KCNV1: variants seen among roughly 807,000 people sequenced by gnomAD.
KCNV1 encodes potassium voltage-gated channel subfamily V member 1.
KCNV1 carries 2 observed loss-of-function variants against 36.4 expected under a neutral mutation model. The ratio of observed to expected loss-of-function variants is 0.05; its 90% CI spans 0.02 to 0.17. The LOEUF is 0.17. Among genes scored for constraint, KCNV1 ranks in the 10% least tolerant of loss-of-function variants. KCNV1 has a pLI of 1.00. For missense variants in KCNV1, 321 were observed against 643.6 expected (o/e 0.50, Z 5.42); for synonymous variants, 280 against 261.1 (o/e 1.07, Z -0.70).
rs537666413 is a variant in KCNV1, at chr8:109,968,623, G to A, written c.992-24C>T. 5.8e-6 allele frequency: 9 copies of A among 1,554,416 alleles called. No individual in the cohort carries two copies. In the East Asian group the frequency reaches 1.8e-4, roughly 31 times the overall value. The stretch of plus-strand genomic sequence containing the variant: ...TCCTGCAACAGAACAAATGCTGTCA[G>A]TCATTGGCATCCCTCTTCTCTCTCT... On this transcript the variant is annotated intron_variant, in intron 3 of 3. Transcript: ENST00000524391. This position sits in a 1 kb window ranked among gnomAD's most constrained non-coding sequence, Gnocchi z 5.3.
In KCNV1 at chr8:109,974,304, C is replaced by G; in HGVS notation, c.85G>C (p.Glu29Gln). 1.3e-6 allele frequency: 2 copies of G among 1,545,240 alleles called. No homozygotes were observed. Among genetic ancestry groups the G allele is most frequent in the Non-Finnish European group, 1.7e-6 (2 of 1,149,326 alleles). Residue 29 changes from glutamate (E) to glutamine (Q), a missense_variant, in exon 2 of 4, where the codon GAG becomes CAG. This residue lies in a region of KCNV1 where 39 missense variants were observed against 50.8 expected (regional missense o/e 0.77). Transcript: ENST00000524391. This position sits in a 1 kb window ranked among gnomAD's most constrained non-coding sequence, Gnocchi z 6.2. ...AGCGCCAAGGGCTCCCCTTCACCCTCGCTGCAGAAGACACTAGAGTCCAGG... is the reference window on the plus strand; with the variant it reads ...AGCGCCAAGGGCTCCCCTTCACCCTGGCTGCAGAAGACACTAGAGTCCAGG... Reference protein sequence around the residue: ...TSLDSSVFCSEGEGEPLALGD... With the variant: ...TSLDSSVFCSQGEGEPLALGD...
At position 109,972,589 on chromosome 8, in the gene KCNV1, C is replaced by G. The variant is rs1487584926; in HGVS notation, c.660G>C (p.Val220=). ...RIFGVISIIF[V]VVSIINMALM... is the part of the protein sequence containing the mutation. ...GGGCCATGTTAATGATGGACACCAC[C>G]ACGAAGATAATGGAGATGACGCCAA... is the stretch of plus-strand genomic sequence containing the variant. The change falls in exon 3 of 4, where the codon GTG becomes GTC. Residue 220 remains valine (V), a synonymous_variant. Transcript: ENST00000524391. The surrounding 1 kb of genome is among the most constrained non-coding windows in gnomAD (Gnocchi z 5.2). 5 of 1,614,140 alleles carry G rather than the reference C, an allele frequency of 3.1e-6. No individual in the cohort carries two copies. Among genetic ancestry groups the G allele is most frequent in the Non-Finnish European group, 4.2e-6 (5 of 1,180,038 alleles).
rs28369292 is a variant in KCNV1 at position 109,972,033 on chromosome 8, C to T, written c.991+225G>A. 0.014 allele frequency among the ~76,000 whole-genome samples: 2,084 copies of T among 152,260 alleles called. 44 individuals are homozygous for T. Among genetic ancestry groups the T allele is most frequent in the African/African-American group, 0.046 (1,927 of 41,544 alleles). ...AGCAAATGGTCAAATTGTCTCTCAA[C>T]ATTTCTCTTATGGAGAGGAGGTATG... On this transcript the variant is annotated intron_variant, in intron 3 of 3. Transcript: ENST00000524391. The surrounding 1 kb of genome is among the most constrained non-coding windows in gnomAD (Gnocchi z 5.2).
At chr8:109,971,170 G>A (rs561791436) in intron 3 of KCNV1, among the ~76,000 whole-genome samples, 3 of 152,238 alleles carry the variant, frequency 2.0e-5, no homozygotes, top group Non-Finnish European at 4.4e-5. Flanking sequence ...ATATGTATTT[G>A]TATCAACATA....
Position 109,968,403 on chromosome 8 carries a change from C to T in KCNV1, c.1188G>A (p.Gly396=), listed in dbSNP as rs139725290. The T allele has an allele frequency of 3.9e-5, 63 of 1,613,996 alleles. 1 individual carries two copies. The Middle Eastern group carries it at 4.9e-4, about 13-fold the overall frequency. The change falls in exon 4 of 4, where the codon GGG becomes GGA. Residue 396 remains glycine (G), a synonymous_variant. Coordinates refer to ENST00000524391, the MANE Select transcript of KCNV1 (RefSeq NM_014379.4). The surrounding 1 kb of genome is among the most constrained non-coding windows in gnomAD (Gnocchi z 5.3). ...ATTSMTTVGY[G]DIRPDTTTGK... ...CTGTGGTGGTGTCTGGTCTAATGTC[C>T]CCATATCCCACAGTAGTCATAGAGG...
At position 109,970,346 on chromosome 8, in the gene KCNV1, CA is replaced by C. The variant is rs569963011; in HGVS notation, c.992-1748del. Among the ~76,000 whole-genome samples the C allele has an allele frequency of 3.9e-5, 6 of 152,216 alleles. No homozygotes were observed. In the East Asian group the frequency reaches 9.6e-4, roughly 24 times the overall value. On this transcript the variant is annotated intron_variant, in intron 3 of 3. Transcript: ENST00000524391. Reference sequence around the variant, plus strand: ...TGGGAACACTGTTTTAGTTTAAAGGCAAAATGTTCAAAACAATTTTGTAAAG... The same window carrying C: ...TGGGAACACTGTTTTAGTTTAAAGGCAAATGTTCAAAACAATTTTGTAAAG...
intron 1 of KCNV1, 106 bp downstream of exon 1, chr8:109,975,513 G>T (rs1278008199): frequency 6.6e-6 from 1 of 152,054 alleles, no homozygotes; most frequent in Non-Finnish European, 1.5e-5. Context: ...CAGCGCCCAG[G>T]TGAGACTAGA....
Position 109,968,458 on chromosome 8 carries a change from C to CT in KCNV1, c.1132dup (p.Ser378LysfsTer22). 1 of 1,614,032 alleles carries CT rather than the reference C, an allele frequency of 6.2e-7. No individual in the cohort carries two copies. The highest frequency in any genetic ancestry group is 8.5e-7 in the Non-Finnish European group (1 of 1,179,928). ...GGCCCACCACCATGCACAAGGGACA[C>CT]TTGTGAAGGTTGTGTCAGGAATGCT... On this transcript the variant is annotated frameshift_variant, in exon 4 of 4. Transcript: ENST00000524391. LOFTEE classifies it high-confidence loss of function. The surrounding 1 kb of genome is among the most constrained non-coding windows in gnomAD (Gnocchi z 5.3).
In KCNV1 at chr8:109,974,542, C is replaced by A. The variant is rs1353376103; in HGVS notation, c.-154G>T. Reference sequence around the variant, plus strand: ...CTCTCCTTGGCGCACCCTCTCCACCCGCTGTGCGCCTTCCTCCTCCTGCCG... The same window carrying A: ...CTCTCCTTGGCGCACCCTCTCCACCAGCTGTGCGCCTTCCTCCTCCTGCCG... On this transcript the variant is annotated 5_prime_UTR_variant, in exon 2 of 4. Transcript: ENST00000524391. The surrounding 1 kb of genome is among the most constrained non-coding windows in gnomAD (Gnocchi z 6.2). 1 of 608,316 alleles carries A rather than the reference C, an allele frequency of 1.6e-6. No individual in the cohort carries two copies. The highest frequency in any genetic ancestry group is 1.9e-5 in the African/African-American group (1 of 53,972). The allele number at this position is 608,316 out of a possible 1,614,324, so 37.7% of individuals were successfully genotyped here.
chr8:109,970,327 C>A (rs973201347), intron 3 of KCNV1, among the ~76,000 whole-genome samples: 6 of 152,136 alleles, frequency 3.9e-5, no homozygotes, highest in Non-Finnish European at 5.9e-5. Flanking sequence ...TGTCTGGGAA[C>A]ACTGTTTTAG....
chr8:109,973,984 C>T lies in KCNV1; in HGVS notation c.405G>A (p.Gln135=), dbSNP rs374743134. The stretch of plus-strand genomic sequence containing the variant: ...CATCGATGCCCCAGTACTGGATCTC[C>T]TGCAGGAAGGAGAGCGCGCACAGCT... The part of the protein sequence containing the change: ...MEQLCALSFL[Q]EIQYWGIDEL... Residue 135 remains glutamine, a synonymous_variant, in exon 2 of 4, where the codon CAG becomes CAA. Coordinates refer to ENST00000524391, the MANE Select transcript of KCNV1 (RefSeq NM_014379.4). 76 of 1,613,122 alleles carry T rather than the reference C, an allele frequency of 4.7e-5. No individual in the cohort carries two copies. Among genetic ancestry groups the T allele is most frequent in the Non-Finnish European group, 6.0e-5 (71 of 1,179,978 alleles).
In KCNV1 at chr8:109,974,083, G is replaced by A; in HGVS notation, c.306C>T (p.Phe102=). 1 of 1,613,464 alleles carries A rather than the reference G, an allele frequency of 6.2e-7. No individual in the cohort carries two copies. The highest frequency in any genetic ancestry group is 8.5e-7 in the Non-Finnish European group (1 of 1,179,916). Residue 102 remains phenylalanine (F), a synonymous_variant, in exon 2 of 4, where the codon TTC becomes TTT. Coordinates refer to ENST00000524391, the MANE Select transcript of KCNV1 (RefSeq NM_014379.4). The surrounding 1 kb of genome is among the most constrained non-coding windows in gnomAD (Gnocchi z 6.2). The part of the protein sequence containing the change: ...DDANPVDNEY[F]FDRSSQAFRY... Reference sequence around the variant, plus strand: ...GGAACGCCTGCGAGCTGCGGTCGAAGAAGTACTCGTTGTCCACGGGGTTGG... The same window carrying A: ...GGAACGCCTGCGAGCTGCGGTCGAAAAAGTACTCGTTGTCCACGGGGTTGG...
At position 109,974,746 on chromosome 8, in the gene KCNV1, G is replaced by T; in HGVS notation, c.-358C>A. 6.4e-6 allele frequency: 2 copies of T among 310,402 alleles called. No individual in the cohort carries two copies. The highest frequency in any genetic ancestry group is 9.2e-4 in the Middle Eastern group (1 of 1,088). 19.2% of individuals were successfully genotyped at this position (310,402 alleles called of 1,614,324 possible). ...CGTTGTCACCCCGCCTCCCAACTTC[G>T]CAATTGCGATTCCCAGCCCAGGAGG... On this transcript the variant is annotated 5_prime_UTR_variant, in exon 2 of 4. Coordinates refer to ENST00000524391, the MANE Select transcript of KCNV1 (RefSeq NM_014379.4). The surrounding 1 kb of genome is among the most constrained non-coding windows in gnomAD (Gnocchi z 6.2).
chr8:109,974,516 CCT>C lies in KCNV1; in HGVS notation c.-130_-129del. ...ATTCCCCGGGCTCCCGAAGGGGTTA[CCT>C]CTCCTTGGCGCACCCTCTCCACCCG... On this transcript the variant is annotated 5_prime_UTR_variant, in exon 2 of 4. Coordinates refer to ENST00000524391, the MANE Select transcript of KCNV1 (RefSeq NM_014379.4). The surrounding 1 kb of genome is among the most constrained non-coding windows in gnomAD (Gnocchi z 6.2). The C allele has an allele frequency of 8.9e-6, 6 of 677,438 alleles. No homozygotes were observed. The highest frequency in any genetic ancestry group is 1.5e-5 in the Non-Finnish European group (6 of 409,168). 42.0% of individuals were successfully genotyped at this position (677,438 alleles called of 1,614,324 possible). A position where few individuals can be genotyped will look rare whatever the true frequency, so the allele number is the denominator to read the frequency against.
chr8:109,975,406 A>G (rs532755284), intron 1 of KCNV1, among the ~76,000 whole-genome samples: 1 of 152,252 alleles, frequency 6.6e-6, no homozygotes, highest in South Asian at 2.1e-4. Flanking sequence ...TCATTTTAGA[A>G]GGAAAGGCAA....
chr8:109,973,703 C>G (rs908936323), intron 2 of KCNV1, among the ~76,000 whole-genome samples: 1 of 152,098 alleles, frequency 6.6e-6, no homozygotes, highest in African/African-American at 2.4e-5. Flanking sequence ...AATTAGCATA[C>G]TCAAAAAAGG....
At position 109,972,259 on chromosome 8, in the gene KCNV1, T is replaced by A. The variant is rs760934313; in HGVS notation, c.990A>T (p.Thr330=). 1 of 1,582,728 alleles carries A rather than the reference T, an allele frequency of 6.3e-7. No homozygotes were observed. The highest frequency in any genetic ancestry group is 8.6e-7 in the Non-Finnish European group (1 of 1,167,112). The stretch of plus-strand genomic sequence containing the variant: ...AAGGCATCAGTGAAATGTGAATACC[T>A]GTGGAATGTCTGCCCAGCTTTAGCA... ...LRMLKLGRHS[T]GLRSLGMTIT... Residue 330 remains threonine, a splice_region_variant and synonymous_variant, in exon 3 of 4, where the codon ACA becomes ACT. Coordinates refer to ENST00000524391, the MANE Select transcript of KCNV1 (RefSeq NM_014379.4). This position sits in a 1 kb window ranked among gnomAD's most constrained non-coding sequence, Gnocchi z 5.2.
Position 109,974,182 on chromosome 8 carries a change from G to C in KCNV1, c.207C>G (p.Ala69=). 1 of 1,595,752 alleles carries C rather than the reference G, an allele frequency of 6.3e-7. No homozygotes were observed. Among genetic ancestry groups the C allele is most frequent in the Non-Finnish European group, 8.5e-7 (1 of 1,171,764 alleles). ...CFPHTRLGKL[A]VVVASYRRPG... Reference sequence around the variant, plus strand: ...GGCGGCGGTAGGAAGCCACCACCACGGCCAGCTTGCCAAGGCGCGTGTGCG... The same window carrying C: ...GGCGGCGGTAGGAAGCCACCACCACCGCCAGCTTGCCAAGGCGCGTGTGCG... Residue 69 remains alanine (A), a synonymous_variant, in exon 2 of 4, where the codon GCC becomes GCG. Transcript: ENST00000524391. This position sits in a 1 kb window ranked among gnomAD's most constrained non-coding sequence, Gnocchi z 6.2.
chr8:109,968,168 TC>T lies in KCNV1; in HGVS notation c.1422del (p.Ser475ValfsTer8). The T allele has an allele frequency of 6.2e-7, 1 of 1,614,176 alleles. No homozygotes were observed. The highest frequency in any genetic ancestry group is 8.5e-7 in the Non-Finnish European group (1 of 1,180,030). ...ISVNLRDVYARSIMEMLRLKG... is the reference protein window; with the variant it reads ...ISVNLRDVYAXSIMEMLRLKG... ...TTCAGTCGCAGCATCTCCATGATAC[TC>T]CGGGCATAGACATCTCTCAAGTTAA... is the stretch of plus-strand genomic sequence containing the variant. On this transcript the variant is annotated frameshift_variant, in exon 4 of 4. Coordinates refer to ENST00000524391, the MANE Select transcript of KCNV1 (RefSeq NM_014379.4). LOFTEE classifies it high-confidence loss of function. The surrounding 1 kb of genome is among the most constrained non-coding windows in gnomAD (Gnocchi z 5.3).
Sources: gnomAD v4.1 joint callset for allele counts (sites outside exome capture counted in the v4.1 genomes callset) on GRCh38, gnomAD v4.1.1 for gene constraint, gnomAD v4.1.1 regional missense constraint, Gnocchi (gnomAD v3.1) non-coding constraint, MANE v1.5 for transcripts, NCBI Gene and HGNC (gene_info 2026-07-23, HGNC 2026-07-21) for gene names.